PCDHGA4: variants seen among roughly 807,000 people sequenced by gnomAD.
The protein encoded by PCDHGA4 is protocadherin gamma-A4.
Under a neutral mutation model 54.6 loss-of-function variants are expected in PCDHGA4, and 38 were observed. The ratio of observed to expected loss-of-function variants is 0.70; its 90% CI spans 0.54 to 0.91. PCDHGA4 has a LOEUF of 0.91. Ranked by LOEUF, PCDHGA4 falls within the 40% of genes least tolerant of loss-of-function variation. The probability of loss-of-function intolerance (pLI) is 0.00; values close to 1 mark genes in which losing one functional copy is unlikely to be tolerated. For synonymous variants in PCDHGA4, 511 were observed against 512.9 expected (o/e 1.00, Z 0.05); for missense variants, 1,298 against 1,220.9 (o/e 1.06, Z -0.94).
chr5:141,422,656 G>A (rs759548203), intron 1 of PCDHGA4: 3 of 1,609,780 alleles, frequency 1.9e-6, no homozygotes, highest in Non-Finnish European at 1.7e-6. Context: ...CTCAGTGACC[G>A]CCCTCGACCC....
At chr5:141,459,891 CT>C (rs1405964049) in intron 1 of PCDHGA4, among the ~76,000 whole-genome samples, 1 of 152,158 alleles carries the variant, frequency 6.6e-6, no homozygotes, top group African/African-American at 2.4e-5. Flanking sequence ...TGAACGCCTT[CT>C]TAAAATTGAG....
chr5:141,399,713 A>T, intron 1 of PCDHGA4: 1 of 1,613,326 alleles, frequency 6.2e-7, no homozygotes, highest in Non-Finnish European at 8.5e-7. Context: ...CTCACACTAC[A>T]GGCCCGCGAC....
chr5:141,408,974 G>C lies in PCDHGA4; in HGVS notation c.2514+51353G>C, dbSNP rs899313364. 8.7e-6 allele frequency: 14 copies of C among 1,613,690 alleles called. No individual in the cohort carries two copies. In the African/African-American group the frequency reaches 1.9e-4, roughly 22 times the overall value. On this transcript the variant is annotated intron_variant, in intron 1 of 3. Transcript: ENST00000571252. ...TAGTCTTAGTGAAAATCTGCCCCCT[G>C]GGTCCCCTGTGTTGCAAGTGACAGC...
At chr5:141,395,004 A>T (rs2093147678) in intron 1 of PCDHGA4, 3 of 1,614,010 alleles carry the variant, frequency 1.9e-6, no homozygotes, top group Non-Finnish European at 2.5e-6. Context: ...TTCCGGTGGC[A>T]GATTGGTAGG....
Position 141,414,386 on chromosome 5 carries a change from G to A in PCDHGA4, c.2514+56765G>A, listed in dbSNP as rs746637010. On this transcript the variant is annotated intron_variant, in intron 1 of 3. Transcript: ENST00000571252. ...TTTAAATTAGAAAAGTCCATTGACA[G>A]TTATTACAGATTGGTGATACACAGA... is the stretch of plus-strand genomic sequence containing the variant. The A allele has an allele frequency of 1.9e-6, 3 of 1,613,906 alleles. No homozygotes were observed. The Admixed American group carries it at 5.0e-5, about 27-fold the overall frequency.
chr5:141,496,377 G>A (rs1413938730), intron 2 of PCDHGA4, among the ~76,000 whole-genome samples: 1 of 152,114 alleles, frequency 6.6e-6, no homozygotes, highest in Non-Finnish European at 1.5e-5. Flanking sequence ...CAGGAGCTTG[G>A]GCCACCTTAC....
rs1227250624 is a variant in PCDHGA4, at chr5:141,409,019, G to A, written c.2514+51398G>A. 4 of 1,613,996 alleles carry A rather than the reference G, an allele frequency of 2.5e-6. 1 individual carries two copies. Among genetic ancestry groups the A allele is most frequent in the Middle Eastern group, 3.3e-4 (2 of 6,062 alleles). On this transcript the variant is annotated intron_variant, in intron 1 of 3. Coordinates refer to ENST00000571252, the MANE Select transcript of PCDHGA4 (RefSeq NM_018917.4). ...GACAGCCACTGACCAGGATGAGGGG[G>A]TCAATGCTGAGATAAACTACTACTT...
chr5:141,370,988 A>G (rs760427095), intron 1 of PCDHGA4: 1 of 1,613,750 alleles, frequency 6.2e-7, no homozygotes, highest in African/African-American at 1.3e-5. Flanking sequence ...TACTGAAAGC[A>G]CCCCTGGACA....
chr5:141,418,105 G>A lies in PCDHGA4; in HGVS notation c.2514+60484G>A, dbSNP rs971913143. On this transcript the variant is annotated intron_variant, in intron 1 of 3. Transcript: ENST00000571252. ...ACTTCAGCGTAGACGCGCAGAGCGG[G>A]GACTTACTTGTGAAGGACCGAATAG... 5 of 1,614,062 alleles carry A rather than the reference G, an allele frequency of 3.1e-6. No homozygotes were observed. The East Asian group carries it at 8.9e-5, about 29-fold the overall frequency.
In PCDHGA4 at chr5:141,355,172, A is replaced by G; in HGVS notation, c.65A>G (p.Lys22Arg). The G allele has an allele frequency of 6.4e-7, 1 of 1,572,422 alleles. No individual in the cohort carries two copies. Among genetic ancestry groups the G allele is most frequent in the African/African-American group, 1.4e-5 (1 of 73,742 alleles). Residue 22 changes from lysine (K) to arginine (R), a missense_variant, in exon 1 of 4, where the codon AAG becomes AGG. By Grantham distance (26) the Lys-to-Arg change is conservative. Transcript: ENST00000571252. ...CAGGCCTCGACAGAGGGAAAACCGA[A>G]GCACAGGCGACTCCGCGGCGGGGTT... ...APQASTEGKP[K>R]HRRLRGGVVM...
At chr5:141,415,420 G>A in intron 1 of PCDHGA4, 2 of 1,614,226 alleles carry the variant, frequency 1.2e-6, no homozygotes, top group Non-Finnish European at 1.7e-6. Flanking sequence ...GGGCGTGGAC[G>A]GGGTTCGGGC....
At chr5:141,415,871 G>T (rs2095966585) in intron 1 of PCDHGA4, 2 of 1,074,308 alleles carry the variant, frequency 1.9e-6, no homozygotes, top group South Asian at 2.3e-5. Context: ...TAGTGTTGTT[G>T]AGTACAATAT....
intron 1 of PCDHGA4, chr5:141,403,389 C>T (rs764725441): frequency 1.2e-6 from 2 of 1,614,050 alleles, no homozygotes; most frequent in South Asian, 1.1e-5. Context: ...AACGAAATCG[C>T]GGTTCCTGGA....
intron 1 of PCDHGA4, among the ~76,000 whole-genome samples, chr5:141,473,910 A>G (rs1165685707): frequency 6.6e-6 from 1 of 152,168 alleles, no homozygotes; most frequent in Non-Finnish European, 1.5e-5. Flanking sequence ...AAGAGGTCTT[A>G]AGAAAACTAT....
At position 141,355,220 on chromosome 5, in the gene PCDHGA4, G is replaced by C. The variant is rs753002448; in HGVS notation, c.113G>C (p.Arg38Pro). 1.2e-6 allele frequency: 2 copies of C among 1,607,996 alleles called. No individual in the cohort carries two copies. Among genetic ancestry groups the C allele is most frequent in the Non-Finnish European group, 1.7e-6 (2 of 1,176,574 alleles). The change falls in exon 1 of 4, where the codon CGC becomes CCC. Residue 38 changes from arginine (R) to proline (P), a missense_variant. Transcript: ENST00000571252. ...GTTGTAATGGCGGCGCCTCCTGCTCGCCCAGACCACACCCGGCTGCTCCAG... is the reference window on the plus strand; with the variant it reads ...GTTGTAATGGCGGCGCCTCCTGCTCCCCCAGACCACACCCGGCTGCTCCAG... Reference protein sequence around the residue: ...GGVVMAAPPARPDHTRLLQIC... With the variant: ...GGVVMAAPPAPPDHTRLLQIC...
intron 1 of PCDHGA4, chr5:141,433,018 T>C: frequency 6.2e-7 from 1 of 1,614,120 alleles, no homozygotes. Flanking sequence ...TGCAGACCTA[T>C]TCCCACGAGG....
intron 1 of PCDHGA4, chr5:141,441,751 A>G (rs946329290): frequency 5.3e-6 from 2 of 378,094 alleles, no homozygotes; most frequent in African/African-American, 2.2e-5. Flanking sequence ...CTCGGCGTCA[A>G]CGTGAGCCTG....
intron 1 of PCDHGA4, among the ~76,000 whole-genome samples, chr5:141,387,402 T>C (rs953681527): frequency 6.6e-5 from 10 of 152,186 alleles, no homozygotes; most frequent in African/African-American, 2.4e-4. Context: ...TGTTTGAAGA[T>C]TGGGGAAAGC....
intron 1 of PCDHGA4, among the ~76,000 whole-genome samples, chr5:141,470,268 G>A (rs1349444076): frequency 6.6e-6 from 1 of 152,082 alleles, no homozygotes; most frequent in East Asian, 1.9e-4. Flanking sequence ...GGAGATACAT[G>A]TTTGTTTGAT....
Sources: gnomAD v4.1 joint callset for allele counts (sites outside exome capture counted in the v4.1 genomes callset) on GRCh38, gnomAD v4.1.1 for gene constraint, MANE v1.5 for transcripts, NCBI Gene and HGNC (gene_info 2026-07-23, HGNC 2026-07-21) for gene names.